The following EPHA4 variants were observed in gnomAD, a reference collection of about 807,000 sequenced individuals.
The protein encoded by EPHA4 is ephrin type-A receptor 4.
A neutral mutation model predicts 108.3 loss-of-function variants in EPHA4; 19 were observed. The observed-to-expected ratio is 0.18, with a 90% CI of 0.12 to 0.26. The LOEUF (loss-of-function observed/expected upper bound fraction) is 0.26. Ranked by LOEUF, EPHA4 falls within the 10% of genes least tolerant of loss-of-function variation. The pLI, the probability that EPHA4 is intolerant of heterozygous loss-of-function variation, is 1.00. For synonymous variants in EPHA4, 449 were observed against 455.5 expected (o/e 0.99, Z 0.18); for missense variants, 917 against 1,254.0 (o/e 0.73, Z 4.06).
intron 4 of EPHA4, among the ~76,000 whole-genome samples, chr2:221,489,500 TTGAC>T (rs1306879540): frequency 6.6e-6 from 1 of 152,152 alleles, no homozygotes. Flanking sequence ...TCCCGGCCCT[TTGAC>T]TGACTGACTT....
intron 17 of EPHA4, among the ~76,000 whole-genome samples, 181 bp from the exon 18 acceptor site, chr2:221,420,733 C>A (rs1404856449): frequency 6.6e-6 from 1 of 151,436 alleles, no homozygotes; most frequent in Non-Finnish European, 1.5e-5. Context: ...ATTATAAGAG[C>A]AAAAAAAACC....
At chr2:221,443,687 C>T (rs762996928) in intron 9 of EPHA4, 81 bp from the exon 10 acceptor site, 20 of 1,025,362 alleles carry the variant, frequency 2.0e-5, no homozygotes, top group Non-Finnish European at 2.8e-5. Context: ...CTAAAATTAC[C>T]AAACATAGGA....
At chr2:221,558,599 T>C (rs115090408) in intron 3 of EPHA4, among the ~76,000 whole-genome samples, 1,703 of 152,206 alleles carry the variant, frequency 0.011, 32 homozygotes, top group African/African-American at 0.039. Context: ...TTCTGAAAGA[T>C]ACAAGGAAGC....
chr2:221,501,801 G>A (rs1574616593), intron 3 of EPHA4, among the ~76,000 whole-genome samples: 1 of 152,282 alleles, frequency 6.6e-6, no homozygotes, highest in Admixed American at 6.5e-5. Context: ...AGGCAAGCAA[G>A]TAAAAAAGAC....
intron 3 of EPHA4, among the ~76,000 whole-genome samples, chr2:221,508,504 G>C (rs911960535): frequency 2.6e-5 from 4 of 151,628 alleles, no homozygotes; most frequent in Admixed American, 6.6e-5. Context: ...ACTTGAACCC[G>C]GGAGACTGAG....
chr2:221,439,868 C>T lies in EPHA4; in HGVS notation c.2075-2746G>A, dbSNP rs142879313. Among the ~76,000 whole-genome samples the T allele has an allele frequency of 5.7e-3, 873 of 152,226 alleles. 9 individuals carry two copies. The highest frequency in any genetic ancestry group is 0.02 in the African/African-American group (832 of 41,530). On this transcript the variant is annotated intron_variant, in intron 11 of 17. Transcript: ENST00000281821. ...ATGCGGAGAATTTATGGTCCTCCTG[C>T]CAATTTAAAAAGTTACTCAAGTAAC...
intron 1 of EPHA4, among the ~76,000 whole-genome samples, chr2:221,570,759 G>A (rs1255924863): frequency 6.6e-6 from 1 of 152,088 alleles, no homozygotes; most frequent in Non-Finnish European, 1.5e-5. Flanking sequence ...TGGATGGATG[G>A]ATGGGTGGAT....
At chr2:221,530,517 G>T (rs1559281401) in intron 3 of EPHA4, among the ~76,000 whole-genome samples, 1 of 152,206 alleles carries the variant, frequency 6.6e-6, no homozygotes, top group Non-Finnish European at 1.5e-5. Flanking sequence ...CCTGCAGCAG[G>T]CATGAAGGTA....
At chr2:221,434,648 G>T (rs566162380) in intron 13 of EPHA4, among the ~76,000 whole-genome samples, 4 of 152,232 alleles carry the variant, frequency 2.6e-5, no homozygotes, top group African/African-American at 4.8e-5. Context: ...TTTTTTGTTG[G>T]ATTCTCTCAC....
At chr2:221,510,894 C>G (rs1692806522) in intron 3 of EPHA4, among the ~76,000 whole-genome samples, 1 of 152,168 alleles carries the variant, frequency 6.6e-6, no homozygotes, top group Non-Finnish European at 1.5e-5. Context: ...CTCTAATTTA[C>G]TTCTCTGAAG....
intron 3 of EPHA4, among the ~76,000 whole-genome samples, chr2:221,545,032 T>C (rs1338286050): frequency 6.6e-6 from 1 of 152,186 alleles, no homozygotes; most frequent in Non-Finnish European, 1.5e-5. Context: ...TCCCAGTCTG[T>C]AGTATTGTAT....
intron 3 of EPHA4, among the ~76,000 whole-genome samples, chr2:221,515,159 G>T (rs139433476): frequency 1.3e-5 from 2 of 152,230 alleles, no homozygotes; most frequent in Middle Eastern, 3.4e-3. Flanking sequence ...ACAATGGCAC[G>T]ATCTTGGCTC....
rs1464745056 is a variant in EPHA4, at chr2:221,485,768, G to A, written c.980-3078C>T. Among the ~76,000 whole-genome samples the A allele has an allele frequency of 7.9e-5, 12 of 152,194 alleles. No individual in the cohort carries two copies. The East Asian group carries it at 2.3e-3, about 29-fold the overall frequency. ...AAAGGGAGGGCCCATCTCCTCTTTA[G>A]GAGGAGGAGAATAAAAGTATTCTAT... is the stretch of plus-strand genomic sequence containing the variant. On this transcript the variant is annotated intron_variant, in intron 4 of 17. Transcript: ENST00000281821.
intron 5 of EPHA4, among the ~76,000 whole-genome samples, chr2:221,459,215 C>A (rs1354482590): frequency 6.6e-6 from 1 of 152,034 alleles, no homozygotes; most frequent in African/African-American, 2.4e-5. Context: ...CAGCTAAATC[C>A]AGTACGGTAG....
At chr2:221,437,848 G>C (rs1347196268) in intron 11 of EPHA4, among the ~76,000 whole-genome samples, 1 of 151,920 alleles carries the variant, frequency 6.6e-6, no homozygotes, top group African/African-American at 2.4e-5. Flanking sequence ...GCTTGAACTC[G>C]GGAGGCCAAG....
At chr2:221,537,606 A>C (rs1237891375) in intron 3 of EPHA4, among the ~76,000 whole-genome samples, 2 of 152,204 alleles carry the variant, frequency 1.3e-5, no homozygotes. Flanking sequence ...AGGGCCACAA[A>C]ATAAGACCAC....
At chr2:221,490,302 C>A (rs1692104548) in intron 4 of EPHA4, among the ~76,000 whole-genome samples, 1 of 150,114 alleles carries the variant, frequency 6.7e-6, no homozygotes, top group African/African-American at 2.4e-5. Context: ...AAGTCTGCAA[C>A]CAAGGCAAGA....
chr2:221,548,625 C>T (rs1694074383), intron 3 of EPHA4, among the ~76,000 whole-genome samples: 1 of 151,640 alleles, frequency 6.6e-6, no homozygotes, highest in Non-Finnish European at 1.5e-5. Flanking sequence ...ATGGAGGAAA[C>T]ATGATATTGA....
At chr2:221,536,979 C>A (rs891027669) in intron 3 of EPHA4, among the ~76,000 whole-genome samples, 1 of 152,110 alleles carries the variant, frequency 6.6e-6, no homozygotes, top group Non-Finnish European at 1.5e-5. Context: ...TACATAGCGA[C>A]CTTAACATAA....
Sources: allele counts gnomAD v4.1 joint callset (sites outside exome capture counted in the v4.1 genomes callset), GRCh38; gene constraint gnomAD v4.1.1; transcripts MANE v1.5; gene names NCBI Gene and HGNC (gene_info 2026-07-23, HGNC 2026-07-21).